The following MEIS1 variants were observed in gnomAD, a reference collection of about 807,000 sequenced individuals.
The protein encoded by MEIS1 is homeobox protein Meis1.
In MEIS1, 5 loss-of-function variants were observed where a neutral mutation model predicts 50.8. That is an observed-to-expected ratio of 0.10 (90% CI 0.05 to 0.21). The LOEUF (loss-of-function observed/expected upper bound fraction) is 0.21, where lower values mean the gene tolerates loss of function less well. Among genes scored for constraint, MEIS1 ranks in the 10% least tolerant of loss-of-function variants. The probability of loss-of-function intolerance (pLI) is 1.00; values close to 1 mark genes in which losing one functional copy is unlikely to be tolerated. For missense variants in MEIS1, 318 were observed against 517.3 expected (o/e 0.61, Z 3.74); for synonymous variants, 176 against 179.3 (o/e 0.98, Z 0.15).
At position 66,539,006 on chromosome 2, in the gene MEIS1, GCCT is replaced by G. The variant is rs1006805369; in HGVS notation, c.889-8933_889-8931del. ...GGGTTCAAGCGATTATTCTGCCTCAGCCTCCTAAGTAGCTGGGACCACAGGCGT... is the reference window on the plus strand; with the variant it reads ...GGGTTCAAGCGATTATTCTGCCTCAGCCTAAGTAGCTGGGACCACAGGCGT... On this transcript the variant is annotated intron_variant, in intron 8 of 12. Transcript: ENST00000272369. Among the ~76,000 whole-genome samples, 26 of 152,282 alleles carry G rather than the reference GCCT, an allele frequency of 1.7e-4. 1 individual carries two copies. Among genetic ancestry groups the G allele is most frequent in the African/African-American group, 6.3e-4 (26 of 41,546 alleles).
At chr2:66,477,309 G>A (rs1465041045) in intron 7 of MEIS1, among the ~76,000 whole-genome samples, 2 of 152,212 alleles carry the variant, frequency 1.3e-5, no homozygotes, top group South Asian at 4.1e-4. Context: ...GACGCAGAGG[G>A]TAGTGGAGTG....
chr2:66,463,143 C>T (rs1303835776), intron 6 of MEIS1, among the ~76,000 whole-genome samples: 72 of 151,910 alleles, frequency 4.7e-4, no homozygotes, highest in Non-Finnish European at 4.4e-5. Flanking sequence ...AACTCTACTA[C>T]TATATAGTCA....
chr2:66,456,235 T>C (rs867582367), intron 6 of MEIS1, among the ~76,000 whole-genome samples: 3,486 of 147,606 alleles, frequency 0.024, 75 homozygotes, highest in Middle Eastern at 0.038. Context: ...ATGATTTTTA[T>C]ACACACACAC....
chr2:66,560,100 C>CTT (rs70947304), intron 9 of MEIS1, among the ~76,000 whole-genome samples: 21 of 124,914 alleles, frequency 1.7e-4, no homozygotes, highest in African/African-American at 4.3e-4. Flanking sequence ...CCTGCCATCA[C>CTT]TTTTTTTTTT....
intron 7 of MEIS1, among the ~76,000 whole-genome samples, chr2:66,509,580 T>C (rs1392304506): frequency 1.3e-5 from 2 of 152,148 alleles, no homozygotes; most frequent in Non-Finnish European, 2.9e-5. Flanking sequence ...GGGGGTGATC[T>C]GGCTCCTGCT....
intron 7 of MEIS1, among the ~76,000 whole-genome samples, chr2:66,470,783 GTGGA>G (rs962103908): frequency 2.0e-5 from 3 of 152,186 alleles, no homozygotes; most frequent in African/African-American, 7.2e-5. Flanking sequence ...TATCTGAAAA[GTGGA>G]TGAAGTGTTA....
chr2:66,531,291 C>T (rs1395334633), intron 8 of MEIS1, among the ~76,000 whole-genome samples: 1 of 152,096 alleles, frequency 6.6e-6, no homozygotes, highest in East Asian at 1.9e-4. Flanking sequence ...TAAAATGGTA[C>T]CCTACACATA....
At chr2:66,558,152 G>T (rs1341577953) in intron 9 of MEIS1, among the ~76,000 whole-genome samples, 1 of 151,922 alleles carries the variant, frequency 6.6e-6, no homozygotes, top group African/African-American at 2.4e-5. Context: ...GGGGGTGCAT[G>T]CCTGTAATCC....
chr2:66,467,388 G>T (rs1020655508), intron 7 of MEIS1, among the ~76,000 whole-genome samples: 8 of 152,218 alleles, frequency 5.3e-5, no homozygotes, highest in African/African-American at 1.7e-4. Flanking sequence ...CACAAGGTCA[G>T]GAGTTCAAGA....
At chr2:66,486,583 T>C (rs970712349) in intron 7 of MEIS1, among the ~76,000 whole-genome samples, 3 of 152,236 alleles carry the variant, frequency 2.0e-5, no homozygotes, top group African/African-American at 7.2e-5. Context: ...CTATACAGGC[T>C]CTTTTTTGGT....
chr2:66,482,200 T>C (rs1437542843), intron 7 of MEIS1, among the ~76,000 whole-genome samples: 1 of 152,206 alleles, frequency 6.6e-6, no homozygotes, highest in African/African-American at 2.4e-5. Context: ...GAAAATCTAC[T>C]ATGTGCCAGG....
chr2:66,443,073 C>A, intron 6 of MEIS1, 25 bp downstream of exon 6: 1 of 1,557,914 alleles, frequency 6.4e-7, no homozygotes, highest in Admixed American at 2.2e-5. Context: ...ATTTCAACAT[C>A]CCTGGGAAAA....
chr2:66,435,743 CTTTTTTTTT>C lies in MEIS1; in HGVS notation c.-98_-90del, dbSNP rs70943697. On this transcript the variant is annotated 5_prime_UTR_variant, in exon 1 of 13. Coordinates refer to ENST00000272369, the MANE Select transcript of MEIS1 (RefSeq NM_002398.3). ...AGACGTTAAGGGATTTTTCGTCGTG[CTTTTTTTTT>C]TTTTTTTTTTTTTTTCCGGGGGAGT... 58 of 335,420 alleles carry C rather than the reference CTTTTTTTTT, an allele frequency of 1.7e-4. No individual in the cohort carries two copies. Among genetic ancestry groups the C allele is most frequent in the South Asian group, 7.9e-4 (11 of 13,998 alleles). 20.8% of individuals were successfully genotyped at this position (335,420 alleles called of 1,614,324 possible).
chr2:66,494,300 G>C (rs1673345341), intron 7 of MEIS1, among the ~76,000 whole-genome samples: 1 of 152,156 alleles, frequency 6.6e-6, no homozygotes, highest in Non-Finnish European at 1.5e-5. Context: ...AATGAATTCT[G>C]TCTATTCCGC....
chr2:66,568,918 G>T (rs2103976373), intron 11 of MEIS1, 132 bp from the exon 12 acceptor site: 1 of 1,098,778 alleles, frequency 9.1e-7, no homozygotes, highest in East Asian at 2.3e-5. Flanking sequence ...GGGAAGCCAG[G>T]ATCTTTATGC....
rs112070118 is a variant in MEIS1, at chr2:66,498,884, C to G, written c.743-13265C>G. On this transcript the variant is annotated intron_variant, in intron 7 of 12. Transcript: ENST00000272369. ...AATCTCAAGCTCCTCCCTACTGAAT[C>G]TAAAGCTGCATTTTAACAAGATCCC... Among the ~76,000 whole-genome samples, 780 of 152,342 alleles carry G rather than the reference C, an allele frequency of 5.1e-3. 4 individuals are homozygous for G. Among genetic ancestry groups the G allele is most frequent in the African/African-American group, 0.018 (741 of 41,580 alleles).
intron 6 of MEIS1, among the ~76,000 whole-genome samples, chr2:66,446,817 C>T (rs1043948896): frequency 2.6e-5 from 4 of 152,206 alleles, no homozygotes; most frequent in Admixed American, 2.6e-4. Flanking sequence ...GACTGGAGAG[C>T]GCAGGGCCGC....
chr2:66,470,498 A>G (rs1573154620), intron 7 of MEIS1, among the ~76,000 whole-genome samples: 1 of 152,294 alleles, frequency 6.6e-6, no homozygotes, highest in East Asian at 1.9e-4. Flanking sequence ...TGACTCATCA[A>G]ATGTGAGTAA....
At chr2:66,563,335 T>C (rs987641610) in intron 9 of MEIS1, among the ~76,000 whole-genome samples, 3 of 152,190 alleles carry the variant, frequency 2.0e-5, no homozygotes, top group Admixed American at 1.3e-4. Flanking sequence ...CATTCTTTTT[T>C]ATATTTCTCT....
Sources: allele counts gnomAD v4.1 joint callset (sites outside exome capture counted in the v4.1 genomes callset), GRCh38; gene constraint gnomAD v4.1.1; transcripts MANE v1.5; gene names NCBI Gene and HGNC (gene_info 2026-07-23, HGNC 2026-07-21).